Variants in POPDC1 observed in about 807,000 individuals in gnomAD.
POPDC1 encodes popeye domain-containing protein 1.
At chr6:105,133,546 T>A in the POPDC1 span, 1 of 1,613,488 alleles carries the variant, frequency 6.2e-7, no homozygotes, top group East Asian at 2.2e-5. Context: ...GGCAGTTGAT[T>A]CTCTCAATGG....
chr6:105,108,047 G>A, the POPDC1 span, among the ~76,000 whole-genome samples: 7 of 152,188 alleles, frequency 4.6e-5, no homozygotes, highest in Non-Finnish European at 8.8e-5. Flanking sequence ...TTCCTGTGAT[G>A]AGGTCTACTC....
At chr6:105,118,054 C>A in the POPDC1 span, among the ~76,000 whole-genome samples, 1 of 152,070 alleles carries the variant, frequency 6.6e-6, no homozygotes, top group East Asian at 1.9e-4. Flanking sequence ...GGGTGACAAG[C>A]GCGAGACCTC....
At chr6:105,102,930 T>C in the POPDC1 span, among the ~76,000 whole-genome samples, 1 of 152,220 alleles carries the variant, frequency 6.6e-6, no homozygotes, top group African/African-American at 2.4e-5. Flanking sequence ...ACTGAGTCTC[T>C]TGAATGACAA....
chr6:105,115,897 G>T, the POPDC1 span: 1 of 1,510,404 alleles, frequency 6.6e-7, no homozygotes, highest in Non-Finnish European at 9.0e-7. Context: ...TAAGCAGCAT[G>T]TACTTTTCCT....
chr6:105,099,573 C>T, the POPDC1 span: 1 of 152,332 alleles, frequency 6.6e-6, no homozygotes, highest in African/African-American at 2.4e-5. Context: ...GCTGGCCAGA[C>T]ACACTGACCA....
chr6:105,111,515 T>A, the POPDC1 span, among the ~76,000 whole-genome samples: 1 of 152,224 alleles, frequency 6.6e-6, no homozygotes, highest in Non-Finnish European at 1.5e-5. Flanking sequence ...CTTCTTCTCT[T>A]CCTATCTCGC....
chr6:105,127,599 C>T, the POPDC1 span, among the ~76,000 whole-genome samples: 4 of 151,976 alleles, frequency 2.6e-5, no homozygotes, highest in African/African-American at 7.2e-5. Context: ...GCTACCGCAT[C>T]CAGCTGATTT....
the POPDC1 span, among the ~76,000 whole-genome samples, chr6:105,121,791 C>T: frequency 6.6e-6 from 1 of 152,156 alleles, no homozygotes; most frequent in Non-Finnish European, 1.5e-5. Context: ...TCATTGAGTC[C>T]ACTTGCCTTC....
At chr6:105,127,136 C>T in the POPDC1 span, among the ~76,000 whole-genome samples, 80 of 152,310 alleles carry the variant, frequency 5.3e-4, no homozygotes, top group African/African-American at 1.9e-3. Context: ...GCTGCTCCAA[C>T]CAATGTCACT....
the POPDC1 span, among the ~76,000 whole-genome samples, chr6:105,102,085 G>A: frequency 6.6e-6 from 1 of 152,254 alleles, no homozygotes; most frequent in East Asian, 1.9e-4. Flanking sequence ...CATGTTGTCC[G>A]GGTTTCCACC....
At chr6:105,112,337 C>A in the POPDC1 span, among the ~76,000 whole-genome samples, 2 of 151,914 alleles carry the variant, frequency 1.3e-5, no homozygotes, top group South Asian at 2.1e-4. Context: ...GATCGTGATT[C>A]GAAAAATAAT....
At chr6:105,131,941 GC>G in the POPDC1 span, among the ~76,000 whole-genome samples, 1 of 149,276 alleles carries the variant, frequency 6.7e-6, no homozygotes, top group Non-Finnish European at 1.5e-5. Context: ...TAACCTTCCA[GC>G]CTCTTTTTCC....
chr6:105,099,643 A>C, the POPDC1 span: 1 of 152,278 alleles, frequency 6.6e-6, no homozygotes, highest in Non-Finnish European at 1.5e-5. Context: ...TCAGTAGGAA[A>C]AAGAGCTCTG....
At chr6:105,135,708 C>T in the POPDC1 span, among the ~76,000 whole-genome samples, 2 of 151,822 alleles carry the variant, frequency 1.3e-5, no homozygotes, top group Non-Finnish European at 2.9e-5. Context: ...ACGCACGACA[C>T]CTTATTAAAG....
At chr6:105,130,020 T>C in the POPDC1 span, among the ~76,000 whole-genome samples, 12 of 152,168 alleles carry the variant, frequency 7.9e-5, no homozygotes, top group Non-Finnish European at 1.5e-4. Flanking sequence ...AAACCCCAAA[T>C]ATATGCTTTG....
the POPDC1 span, chr6:105,125,511 T>A: frequency 6.2e-7 from 1 of 1,614,098 alleles, no homozygotes; most frequent in Non-Finnish European, 8.5e-7. Flanking sequence ...TCTGAACAAA[T>A]CTGGAGGCAC....
the POPDC1 span, among the ~76,000 whole-genome samples, chr6:105,126,190 C>T: frequency 6.7e-6 from 1 of 149,670 alleles, no homozygotes; most frequent in Non-Finnish European, 1.5e-5. Context: ...TGCTCCATTG[C>T]ACTCTAGCTT....
chr6:105,118,153 A>C, the POPDC1 span, among the ~76,000 whole-genome samples: 2 of 152,234 alleles, frequency 1.3e-5, no homozygotes, highest in African/African-American at 4.8e-5. Context: ...GTCCTATCTG[A>C]GCCTCAGAGC....
chr6:105,133,744 A>G, the POPDC1 span, among the ~76,000 whole-genome samples: 1 of 152,196 alleles, frequency 6.6e-6, no homozygotes, highest in East Asian at 1.9e-4. Flanking sequence ...ACTCTGTCAC[A>G]TATTAAATGT....
Sources: gnomAD v4.1 joint callset for allele counts (sites outside exome capture counted in the v4.1 genomes callset) on GRCh38, gnomAD v4.1.1 for gene constraint, MANE v1.5 for transcripts, NCBI Gene and HGNC (gene_info 2026-07-23, HGNC 2026-07-21) for gene names.